Variants in AQP9 observed in about 807,000 individuals in gnomAD.
AQP9 encodes the protein aquaporin-9.
A neutral mutation model predicts 23.8 loss-of-function variants in AQP9; 19 were observed. The observed-to-expected ratio is 0.80, with a 90% CI of 0.56 to 1.17. The LOEUF (loss-of-function observed/expected upper bound fraction) is 1.17. AQP9 is among the 50% of genes most tolerant of loss of function. The pLI is 0.00. For missense variants in AQP9, 413 were observed against 362.0 expected (o/e 1.14, Z -1.14); for synonymous variants, 153 against 131.5 (o/e 1.16, Z -1.12).
chr15:58,169,170 G>A (rs1898569969), intron 2 of AQP9, among the ~76,000 whole-genome samples: 1 of 152,188 alleles, frequency 6.6e-6, no homozygotes, highest in South Asian at 2.1e-4. Context: ...AGTTACAAGA[G>A]TAAGGGCCAA....
chr15:58,150,013 A>G (rs1262661890), intron 1 of AQP9, among the ~76,000 whole-genome samples: 1 of 152,254 alleles, frequency 6.6e-6, no homozygotes, highest in Non-Finnish European at 1.5e-5. Flanking sequence ...CAAGGCCAGG[A>G]AATCACTGGC....
At position 58,168,742 on chromosome 15, in the gene AQP9, T is replaced by C. The variant is rs149001450; in HGVS notation, c.238+1943T>C. 3.8e-3 allele frequency among the ~76,000 whole-genome samples: 584 copies of C among 152,310 alleles called. 2 individuals carry two copies. The highest frequency in any genetic ancestry group is 0.013 in the African/African-American group (557 of 41,554). On this transcript the variant is annotated intron_variant, in intron 2 of 5. Transcript: ENST00000219919. ...TTTTGCTGTGATCCCAGCACTCTACTGCTTAACTCAAGGCAAACTCCAAGA... is the reference window on the plus strand; with the variant it reads ...TTTTGCTGTGATCCCAGCACTCTACCGCTTAACTCAAGGCAAACTCCAAGA...
At chr15:58,170,543 T>C (rs887751447) in intron 2 of AQP9, among the ~76,000 whole-genome samples, 2 of 151,904 alleles carry the variant, frequency 1.3e-5, no homozygotes, top group African/African-American at 4.8e-5. Context: ...TAGCTGGGAC[T>C]ACAGGCGTAT....
chr15:58,176,851 C>A (rs1270322939), intron 4 of AQP9, among the ~76,000 whole-genome samples: 3 of 151,922 alleles, frequency 2.0e-5, no homozygotes, highest in Non-Finnish European at 4.4e-5. Flanking sequence ...CCTCATAATC[C>A]GCCTGCCTAA....
intron 1 of AQP9, among the ~76,000 whole-genome samples, chr15:58,158,153 C>T (rs1898302483): frequency 6.6e-6 from 1 of 152,136 alleles, no homozygotes; most frequent in Non-Finnish European, 1.5e-5. Flanking sequence ...CCTCACCTTC[C>T]CAGACAGCCC....
rs757036101 is a variant in AQP9 at position 58,185,121 on chromosome 15, G to C, written c.*986G>C. On this transcript the variant is annotated 3_prime_UTR_variant, in exon 6 of 6. Coordinates refer to ENST00000219919, the MANE Select transcript of AQP9 (RefSeq NM_020980.5). ...CTTATTGGGCTTAACAATTCACAAG[G>C]CACTTTCACACCCATTATCTAATTT... 1 of 152,128 alleles carries C rather than the reference G, an allele frequency of 6.6e-6. No homozygotes were observed. Among genetic ancestry groups the C allele is most frequent in the Non-Finnish European group, 1.5e-5 (1 of 68,030 alleles). 9.4% of individuals were successfully genotyped at this position (152,128 alleles called of 1,614,324 possible). A position where few individuals can be genotyped will look rare whatever the true frequency, so the allele number is the denominator to read the frequency against.
chr15:58,183,014 A>G (rs1221246965), intron 5 of AQP9, among the ~76,000 whole-genome samples: 2 of 152,178 alleles, frequency 1.3e-5, no homozygotes, highest in East Asian at 1.9e-4. Context: ...AAAAGGCCAC[A>G]TGGAACATAT....
At chr15:58,178,982 G>A (rs1487466791) in intron 4 of AQP9, 146 bp from the exon 5 acceptor site, 1 of 601,694 alleles carries the variant, frequency 1.7e-6, no homozygotes, top group African/African-American at 1.9e-5. Context: ...TATTCACCCA[G>A]TACATGCCAG....
At chr15:58,145,924 TG>T (rs1230448456) in intron 1 of AQP9, among the ~76,000 whole-genome samples, 1 of 152,226 alleles carries the variant, frequency 6.6e-6, no homozygotes. Flanking sequence ...TAATTATTTT[TG>T]CTTGGCATTT....
chr15:58,158,515 C>A (rs1164675239), intron 1 of AQP9, among the ~76,000 whole-genome samples: 1 of 152,140 alleles, frequency 6.6e-6, no homozygotes, highest in Non-Finnish European at 1.5e-5. Context: ...ACAAGTAAAG[C>A]ACTTAGCATG....
intron 1 of AQP9, among the ~76,000 whole-genome samples, chr15:58,163,203 T>A (rs1431924503): frequency 6.6e-6 from 1 of 152,206 alleles, no homozygotes; most frequent in Non-Finnish European, 1.5e-5. Context: ...TAGATCTTCA[T>A]TGTGTCCATG....
At chr15:58,164,144 T>A (rs1464948143) in intron 1 of AQP9, 2 of 152,208 alleles carry the variant, frequency 1.3e-5, no homozygotes, top group Non-Finnish European at 2.9e-5. Context: ...CATTTCAGCA[T>A]CTAGAGTGGA....
At chr15:58,181,610 G>T (rs1898890277) in intron 5 of AQP9, among the ~76,000 whole-genome samples, 1 of 152,162 alleles carries the variant, frequency 6.6e-6, no homozygotes, top group Non-Finnish European at 1.5e-5. Flanking sequence ...CAGAAAGAAA[G>T]TTGGAAAGGG....
intron 4 of AQP9, among the ~76,000 whole-genome samples, chr15:58,177,893 A>G (rs1898793168): frequency 6.6e-6 from 1 of 152,196 alleles, no homozygotes; most frequent in Admixed American, 6.5e-5. Context: ...TTTTTCTTTT[A>G]CGTATGTTTT....
At chr15:58,139,051 C>A (rs1897908676) in intron 1 of AQP9, among the ~76,000 whole-genome samples, 1 of 152,092 alleles carries the variant, frequency 6.6e-6, no homozygotes, top group Non-Finnish European at 1.5e-5. Flanking sequence ...GGTGACTCAG[C>A]CACCTGGAAT....
intron 1 of AQP9, among the ~76,000 whole-genome samples, chr15:58,141,998 G>A (rs1319520047): frequency 6.6e-6 from 1 of 152,192 alleles, no homozygotes; most frequent in Non-Finnish European, 1.5e-5. Flanking sequence ...GGTACTGGCA[G>A]GAGAGCTCTG....
At chr15:58,146,464 T>G (rs181934621) in intron 1 of AQP9, among the ~76,000 whole-genome samples, 27 of 152,264 alleles carry the variant, frequency 1.8e-4, no homozygotes, top group African/African-American at 6.3e-4. Flanking sequence ...TTTTTTCTTT[T>G]AGTTTCTTTT....
chr15:58,152,506 T>C (rs1404634257), intron 1 of AQP9: 1 of 152,190 alleles, frequency 6.6e-6, no homozygotes, highest in Non-Finnish European at 1.5e-5. Context: ...GGGGTTTGCA[T>C]ACTGTAAATA....
intron 5 of AQP9, among the ~76,000 whole-genome samples, chr15:58,182,286 A>G (rs1214503575): frequency 6.6e-6 from 1 of 152,224 alleles, no homozygotes; most frequent in Non-Finnish European, 1.5e-5. Context: ...TCCTTTAGAC[A>G]GTTAACATAC....
Sources: gnomAD v4.1 joint callset for allele counts (sites outside exome capture counted in the v4.1 genomes callset) on GRCh38, gnomAD v4.1.1 for gene constraint, MANE v1.5 for transcripts, NCBI Gene and HGNC (gene_info 2026-07-23, HGNC 2026-07-21) for gene names.